Variants in CCL17 observed in about 807,000 individuals in gnomAD.
The protein encoded by CCL17 is C-C motif chemokine ligand 17.
Under a neutral mutation model 7.4 loss-of-function variants are expected in CCL17, and 8 were observed. The observed-to-expected ratio is 1.09, with a 90% CI of 0.64 to 1.96. The LOEUF (loss-of-function observed/expected upper bound fraction) is 1.96, where lower values mean the gene tolerates loss of function less well. Ranked by LOEUF, CCL17 falls within the 30% of genes most tolerant of loss-of-function variation. The pLI is 0.00. For synonymous variants in CCL17, 40 were observed against 46.1 expected (o/e 0.87, Z 0.54); for missense variants, 102 against 113.0 (o/e 0.90, Z 0.44).
intron 1 of CCL17, among the ~76,000 whole-genome samples, chr16:57,407,139 A>G (rs1902708206): frequency 6.6e-6 from 1 of 152,150 alleles, no homozygotes; most frequent in Non-Finnish European, 1.5e-5. Flanking sequence ...AGTCAAGGGG[A>G]GGTCTTTATG....
intron 1 of CCL17, among the ~76,000 whole-genome samples, 198 bp from the exon 2 acceptor site, chr16:57,413,676 A>T (rs977273803): frequency 6.6e-6 from 1 of 152,200 alleles, no homozygotes; most frequent in Admixed American, 6.5e-5. Context: ...CTCTAGACAC[A>T]TGTACCCCAC....
intron 1 of CCL17, among the ~76,000 whole-genome samples, chr16:57,412,817 G>A (rs1055563677): frequency 6.6e-6 from 1 of 152,202 alleles, no homozygotes; most frequent in African/African-American, 2.4e-5. Flanking sequence ...CCAACAGGGC[G>A]ACCGGCAATT....
At chr16:57,401,803 TCA>T (rs1271194228), upstream of CCL17, among the ~76,000 whole-genome samples, 1 of 152,164 alleles carries the variant, frequency 6.6e-6, no homozygotes. Context: ...TTACTTTCAA[TCA>T]CTCTCCTGTG....
intron 1 of CCL17, among the ~76,000 whole-genome samples, chr16:57,410,061 C>T (rs187412824): frequency 6.6e-6 from 1 of 152,336 alleles, no homozygotes; most frequent in Non-Finnish European, 1.5e-5. Context: ...GCTGCCCCCT[C>T]CTGGTCAGCC....
intron 1 of CCL17, among the ~76,000 whole-genome samples, chr16:57,412,107 C>A (rs1285851938): frequency 1.3e-5 from 2 of 152,126 alleles, no homozygotes; most frequent in Non-Finnish European, 2.9e-5. Flanking sequence ...CCAAGGGGGA[C>A]CCCATCTTCC....
chr16:57,399,785 A>G (rs1400226143), upstream of CCL17, among the ~76,000 whole-genome samples: 4 of 152,140 alleles, frequency 2.6e-5, no homozygotes, highest in South Asian at 2.1e-4. Flanking sequence ...CACTGTCCAC[A>G]TGATATCCCT....
intron 1 of CCL17, among the ~76,000 whole-genome samples, chr16:57,407,585 C>T (rs1245360963): frequency 6.6e-6 from 1 of 152,156 alleles, no homozygotes; most frequent in East Asian, 1.9e-4. Flanking sequence ...TCAAGCCATG[C>T]ACCCATACTT....
the CCL17 span, among the ~76,000 whole-genome samples, chr16:57,398,596 T>A: frequency 0.014 from 2,137 of 152,294 alleles, 54 homozygotes; most frequent in African/African-American, 0.048. Context: ...CCCCTGCAAC[T>A]GTTTTAATGT....
chr16:57,412,001 C>T (rs896989564), intron 1 of CCL17, among the ~76,000 whole-genome samples: 1 of 152,194 alleles, frequency 6.6e-6, no homozygotes, highest in African/African-American at 2.4e-5. Context: ...GGGCAAAGAA[C>T]CCATCTGGAC....
chr16:57,415,300 C>T lies in CCL17; in HGVS notation c.188+102C>T, dbSNP rs1455343267. 2.0e-5 allele frequency: 16 copies of T among 792,684 alleles called. No individual in the cohort carries two copies. Among genetic ancestry groups the T allele is most frequent in the East Asian group, 2.5e-5 (1 of 40,212 alleles). 49.1% of individuals were successfully genotyped at this position (792,684 alleles called of 1,614,324 possible). ...CCAATGGGGAGCAGGGAAGAGACAG[C>T]GGGGCCTTCCTCCCCAACCCCTGCA... On this transcript the variant is annotated intron_variant, in intron 3 of 3. Transcript: ENST00000219244. The surrounding 1 kb of genome is among the most constrained non-coding windows in gnomAD (Gnocchi z 4.5).
At chr16:57,405,402 G>T (rs2146533465) in intron 1 of CCL17, among the ~76,000 whole-genome samples, 1 of 152,328 alleles carries the variant, frequency 6.6e-6, no homozygotes, top group Non-Finnish European at 1.5e-5. Flanking sequence ...GTAATGTGGG[G>T]GATGGAGGCG....
upstream of CCL17, among the ~76,000 whole-genome samples, chr16:57,401,361 T>C (rs1460670253): frequency 6.6e-6 from 1 of 151,752 alleles, no homozygotes; most frequent in East Asian, 1.9e-4. Context: ...CCGTCTCTAC[T>C]AAAAATACAA....
At chr16:57,411,590 G>A (rs1258778881) in intron 1 of CCL17, among the ~76,000 whole-genome samples, 1 of 152,256 alleles carries the variant, frequency 6.6e-6, no homozygotes, top group Non-Finnish European at 1.5e-5. Context: ...CCTTGCAGTT[G>A]TGTAGCACAG....
At chr16:57,412,782 G>A (rs1902804913) in intron 1 of CCL17, among the ~76,000 whole-genome samples, 3 of 152,230 alleles carry the variant, frequency 2.0e-5, no homozygotes, top group Non-Finnish European at 1.5e-5. Flanking sequence ...CTGTAGGGAC[G>A]CCCATGCTGT....
upstream of CCL17, among the ~76,000 whole-genome samples, chr16:57,403,483 TAATAA>T (rs1567561086): frequency 3.0e-3 from 6 of 1,994 alleles, 2 homozygotes; most frequent in African/African-American, 5.5e-3. Context: ...ATATATTATA[TAATAA>T]TATATATATT....
chr16:57,407,688 C>A (rs72792977), intron 1 of CCL17, among the ~76,000 whole-genome samples: 6,544 of 152,150 alleles, frequency 0.043, 186 homozygotes, highest in Middle Eastern at 0.086. Flanking sequence ...GCTCACCCAT[C>A]CAGTTTCATG....
Position 57,415,798 on chromosome 16 carries a change from G to A in CCL17, c.222G>A (p.Ser74=), listed in dbSNP as rs149709463. The A allele has an allele frequency of 1.9e-5, 31 of 1,613,500 alleles. No individual in the cohort carries two copies. Among genetic ancestry groups the A allele is most frequent in the South Asian group, 8.8e-5 (8 of 91,066 alleles). Residue 74 remains serine (S), a synonymous_variant, in exon 4 of 4, where the codon TCG becomes TCA. Coordinates refer to ENST00000219244, the MANE Select transcript of CCL17 (RefSeq NM_002987.3). The surrounding 1 kb of genome is among the most constrained non-coding windows in gnomAD (Gnocchi z 4.5). ...FVTVQGRAIC[S]DPNNKRVKNA... is the part of the protein sequence containing the mutation. ...CTGTGCAGGGCAGGGCCATCTGTTCGGACCCCAACAACAAGAGAGTGAAGA... is the reference window on the plus strand; with the variant it reads ...CTGTGCAGGGCAGGGCCATCTGTTCAGACCCCAACAACAAGAGAGTGAAGA...
At chr16:57,396,487 T>C in the CCL17 span, among the ~76,000 whole-genome samples, 1 of 152,172 alleles carries the variant, frequency 6.6e-6, no homozygotes, top group East Asian at 1.9e-4. Flanking sequence ...TGTTCTATTT[T>C]ACCATTGGAG....
At chr16:57,406,997 C>G (rs1354267545) in intron 1 of CCL17, among the ~76,000 whole-genome samples, 2 of 152,072 alleles carry the variant, frequency 1.3e-5, no homozygotes, top group Admixed American at 6.6e-5. Context: ...GAGCTGGAAG[C>G]CACATTGCTG....
Sources: allele counts gnomAD v4.1 joint callset (sites outside exome capture counted in the v4.1 genomes callset), GRCh38; gene constraint gnomAD v4.1.1; non-coding constraint Gnocchi (gnomAD v3.1); transcripts MANE v1.5; gene names NCBI Gene and HGNC (gene_info 2026-07-23, HGNC 2026-07-21).